Variants in UGP2 observed in about 807,000 individuals in gnomAD.
UGP2 encodes the protein UDP-glucose pyrophosphorylase 2, also known as UTP--glucose-1-phosphate uridylyltransferase.
UGP2 carries 40 observed loss-of-function variants against 49.0 expected under a neutral mutation model. The observed-to-expected ratio is 0.82, with a 90% CI of 0.63 to 1.06. The LOEUF (loss-of-function observed/expected upper bound fraction) is 1.06, where lower values mean the gene tolerates loss of function less well. UGP2 is among the 50% of genes least tolerant of loss of function. The pLI is 0.00. For missense variants in UGP2, 460 were observed against 603.5 expected (o/e 0.76, Z 2.49); for synonymous variants, 225 against 213.0 (o/e 1.06, Z -0.49).
At chr2:63,886,687 C>T (rs1403914814) in intron 7 of UGP2, 149 bp downstream of exon 7, 1 of 880,440 alleles carries the variant, frequency 1.1e-6, no homozygotes, top group Non-Finnish European at 1.7e-6. Context: ...GCCCTGTCTT[C>T]CAGAATCTGC....
Position 63,882,454 on chromosome 2 carries a change from T to C in UGP2, c.256-12T>C. On this transcript the variant is annotated splice_polypyrimidine_tract_variant and intron_variant, in intron 3 of 9. Coordinates refer to ENST00000337130, the MANE Select transcript of UGP2 (RefSeq NM_006759.4). ...TGTTTAAATTACTCCTATAATGTTA[T>C]TTTTCTTTCAGATTCAACCCTATGA... is the stretch of plus-strand genomic sequence containing the variant. 1.3e-6 allele frequency: 2 copies of C among 1,558,538 alleles called. No individual in the cohort carries two copies. Among genetic ancestry groups the C allele is most frequent in the Admixed American group, 3.5e-5 (2 of 57,314 alleles).
At chr2:63,876,843 T>C (rs942404652) in intron 3 of UGP2, among the ~76,000 whole-genome samples, 8 of 152,246 alleles carry the variant, frequency 5.3e-5, no homozygotes, top group Non-Finnish European at 8.8e-5. Flanking sequence ...ATCAGCTCAT[T>C]TTATTTTATA....
chr2:63,875,674 A>G (rs1044033304), intron 3 of UGP2, among the ~76,000 whole-genome samples: 1 of 152,158 alleles, frequency 6.6e-6, no homozygotes, highest in African/African-American at 2.4e-5. Flanking sequence ...CCCCCAGAGG[A>G]TGTTAGCTAT....
chr2:63,858,026 A>G, intron 3 of UGP2, 90 bp downstream of exon 3: 2 of 1,166,418 alleles, frequency 1.7e-6, no homozygotes, highest in African/African-American at 1.5e-5. Context: ...GGGACCTATA[A>G]CAATCATGTG....
intron 3 of UGP2, among the ~76,000 whole-genome samples, chr2:63,878,861 C>G (rs1390688412): frequency 2.0e-5 from 3 of 152,160 alleles, no homozygotes; most frequent in Non-Finnish European, 4.4e-5. Context: ...CCCTTGCATC[C>G]AGCCAGAACT....
At chr2:63,871,067 T>A (rs1379613267) in intron 3 of UGP2, among the ~76,000 whole-genome samples, 1 of 152,212 alleles carries the variant, frequency 6.6e-6, no homozygotes, top group Non-Finnish European at 1.5e-5. Flanking sequence ...ACATAAAATT[T>A]ACTATCTTAA....
intron 3 of UGP2, among the ~76,000 whole-genome samples, chr2:63,875,519 C>A (rs1213067759): frequency 6.6e-6 from 1 of 152,180 alleles, no homozygotes; most frequent in African/African-American, 2.4e-5. Context: ...TGGCAAGGTA[C>A]AGATCATGGT....
chr2:63,882,102 C>G (rs1671357755), intron 3 of UGP2, among the ~76,000 whole-genome samples: 1 of 152,160 alleles, frequency 6.6e-6, no homozygotes, highest in Admixed American at 6.5e-5. Context: ...CTTGATGATT[C>G]TAAATAAATG....
intron 1 of UGP2, among the ~76,000 whole-genome samples, chr2:63,851,240 G>C (rs1669023045): frequency 6.6e-6 from 1 of 152,106 alleles, no homozygotes; most frequent in Non-Finnish European, 1.5e-5. Context: ...CCATTATTAG[G>C]CACCTGTACT....
At chr2:63,850,093 A>G (rs891569368) in intron 1 of UGP2, among the ~76,000 whole-genome samples, 2 of 152,182 alleles carry the variant, frequency 1.3e-5, no homozygotes, top group African/African-American at 4.8e-5. Flanking sequence ...TGTTTTCCAT[A>G]AGTAGTGTTT....
At chr2:63,851,836 T>G (rs1669060742) in intron 1 of UGP2, among the ~76,000 whole-genome samples, 1 of 152,190 alleles carries the variant, frequency 6.6e-6, no homozygotes, top group African/African-American at 2.4e-5. Flanking sequence ...TATCAGACCT[T>G]CCTTCTGCTG....
intron 1 of UGP2, among the ~76,000 whole-genome samples, chr2:63,845,546 T>TGG (rs1219668976): frequency 2.1e-5 from 3 of 142,258 alleles, no homozygotes; most frequent in Non-Finnish European, 4.6e-5. Context: ...AGTGCCGGGG[T>TGG]GGGGCAAGGT....
intron 2 of UGP2, chr2:63,856,672 C>T: frequency 1.9e-6 from 1 of 527,178 alleles, no homozygotes; most frequent in South Asian, 1.7e-5. Flanking sequence ...TTAAAATAAT[C>T]AGAACCAAAT....
In UGP2 at chr2:63,879,374, A is replaced by G. The variant is rs182808244; in HGVS notation, c.256-3092A>G. On this transcript the variant is annotated intron_variant, in intron 3 of 9. Transcript: ENST00000337130. ...GAATTATTGTAGCATTTTTACTTTT[A>G]TAATAAGCATTTATACTTTGATAAA... 9.2e-5 allele frequency among the ~76,000 whole-genome samples: 14 copies of G among 152,338 alleles called. No individual in the cohort carries two copies. In the East Asian group the frequency reaches 2.1e-3, roughly 23 times the overall value.
At chr2:63,890,715 A>C (rs563380617) in intron 9 of UGP2, among the ~76,000 whole-genome samples, 7 of 152,350 alleles carry the variant, frequency 4.6e-5, no homozygotes, top group Admixed American at 3.9e-4. Context: ...GACTTAAGAC[A>C]TGAAAAATCT....
intron 4 of UGP2, among the ~76,000 whole-genome samples, chr2:63,883,687 A>T (rs1041425909): frequency 6.6e-6 from 1 of 152,146 alleles, no homozygotes; most frequent in Non-Finnish European, 1.5e-5. Context: ...CCATTGCCAG[A>T]CCCACCACCT....
intron 3 of UGP2, among the ~76,000 whole-genome samples, chr2:63,879,086 C>T (rs1671122194): frequency 6.6e-6 from 1 of 151,212 alleles, no homozygotes; most frequent in African/African-American, 2.4e-5. Context: ...CAAAATTAAA[C>T]ATGGTTCCTA....
chr2:63,859,282 A>G (rs1477256996), intron 3 of UGP2: 2 of 151,970 alleles, frequency 1.3e-5, no homozygotes, highest in Non-Finnish European at 2.9e-5. Flanking sequence ...GACATGAACC[A>G]CTGTTCCTGA....
chr2:63,867,696 A>G, intron 3 of UGP2, among the ~76,000 whole-genome samples: 1 of 152,304 alleles, frequency 6.6e-6, no homozygotes, highest in South Asian at 2.1e-4. Flanking sequence ...CAGTGTACTT[A>G]ATTTGATGTA....
Sources: allele counts gnomAD v4.1 joint callset (sites outside exome capture counted in the v4.1 genomes callset), GRCh38; gene constraint gnomAD v4.1.1; transcripts MANE v1.5; gene names NCBI Gene and HGNC (gene_info 2026-07-23, HGNC 2026-07-21).